LMNTD1: variants seen among roughly 807,000 people sequenced by gnomAD.
LMNTD1 encodes lamin tail domain-containing protein 1.
A neutral mutation model predicts 50.9 loss-of-function variants in LMNTD1; 35 were observed. The ratio of observed to expected loss-of-function variants is 0.69; its 90% CI spans 0.53 to 0.91. The LOEUF is 0.91. Among genes scored for constraint, LMNTD1 ranks in the 40% least tolerant of loss-of-function variants. The pLI is 0.00. For synonymous variants in LMNTD1, 153 were observed against 161.9 expected (o/e 0.94, Z 0.42); for missense variants, 470 against 475.5 (o/e 0.99, Z 0.11).
At chr12:25,644,022 A>T (rs1033548678) in intron 1 of LMNTD1, among the ~76,000 whole-genome samples, 1 of 152,218 alleles carries the variant, frequency 6.6e-6, no homozygotes, top group African/African-American at 2.4e-5. Flanking sequence ...CGTTCATCAT[A>T]AAAGCCAAGA....
intron 1 of LMNTD1, among the ~76,000 whole-genome samples, chr12:25,643,468 A>T (rs1294353147): frequency 6.6e-6 from 1 of 152,206 alleles, no homozygotes; most frequent in Non-Finnish European, 1.5e-5. Context: ...TAGACAATAG[A>T]ATATAGGATA....
At chr12:25,608,138 C>T (rs1029299141) in intron 1 of LMNTD1, among the ~76,000 whole-genome samples, 12 of 152,048 alleles carry the variant, frequency 7.9e-5, no homozygotes, top group Admixed American at 2.0e-4. Context: ...TCTGTTTTGT[C>T]AGAGACTAGG....
At chr12:25,488,739 C>G (rs905922669) in intron 9 of LMNTD1, among the ~76,000 whole-genome samples, 2 of 152,208 alleles carry the variant, frequency 1.3e-5, no homozygotes, top group Admixed American at 1.3e-4. Flanking sequence ...TTTTTCTGTT[C>G]TGATTTTCCC....
At chr12:25,622,183 G>C (rs1301672747) in intron 1 of LMNTD1, among the ~76,000 whole-genome samples, 1 of 152,188 alleles carries the variant, frequency 6.6e-6, no homozygotes, top group Non-Finnish European at 1.5e-5. Context: ...GATTGGAGGG[G>C]AGTCAAGAGT....
At position 25,520,067 on chromosome 12, in the gene LMNTD1, C is replaced by G. The variant is rs76419032; in HGVS notation, c.807G>C (p.Ala269=). The G allele has an allele frequency of 3.0e-3, 4,886 of 1,607,340 alleles. 149 individuals are homozygous for G. The African/African-American group carries it at 0.058, about 19-fold the overall frequency. Residue 269 remains alanine (A), a synonymous_variant, in exon 7 of 10, where the codon GCG becomes GCC. Transcript: ENST00000458174. ...GCTTCCAGTGGATAGGGGTGTACCA[C>G]GCAATGGCCTAATGAAAATGATTTA... The part of the protein sequence containing the change: ...ILCKPNGQAI[A]WYTPIHWKQA...
At chr12:25,529,256 T>G (rs1942047502) in intron 4 of LMNTD1, among the ~76,000 whole-genome samples, 1 of 152,190 alleles carries the variant, frequency 6.6e-6, no homozygotes, top group African/African-American at 2.4e-5. Flanking sequence ...AGCCCTCTTT[T>G]ATTTCCCTCA....
intron 9 of LMNTD1, among the ~76,000 whole-genome samples, chr12:25,491,232 T>A (rs1283741336): frequency 1.3e-5 from 2 of 152,212 alleles, no homozygotes; most frequent in South Asian, 2.1e-4. Context: ...CAAATGTTGA[T>A]CAAGAGAGTG....
At chr12:25,638,164 A>G (rs1007505908) in intron 1 of LMNTD1, among the ~76,000 whole-genome samples, 2 of 152,114 alleles carry the variant, frequency 1.3e-5, no homozygotes, top group African/African-American at 4.8e-5. Context: ...AAGACTTAAC[A>G]ATCTATGAAT....
chr12:25,484,265 GTTT>G lies in LMNTD1; in HGVS notation c.*23-7808_*23-7806del, dbSNP rs540275671. ...GCTTCTTGAAGCATTGTTGTTTTTCGTTTTTTTGTTGTTTTAAGAGACAGGGTC... is the reference window on the plus strand; with the variant it reads ...GCTTCTTGAAGCATTGTTGTTTTTCGTTTTGTTGTTTTAAGAGACAGGGTC... On this transcript the variant is annotated intron_variant, in intron 9 of 9. Coordinates refer to ENST00000458174, the MANE Select transcript of LMNTD1 (RefSeq NM_001145728.2). Among the ~76,000 whole-genome samples, 3 of 151,624 alleles carry G rather than the reference GTTT, an allele frequency of 2.0e-5. No individual in the cohort carries two copies. The East Asian group carries it at 5.8e-4, about 29-fold the overall frequency.
At chr12:25,537,979 G>C (rs1449288491) in intron 4 of LMNTD1, among the ~76,000 whole-genome samples, 1 of 149,752 alleles carries the variant, frequency 6.7e-6, no homozygotes, top group Non-Finnish European at 1.5e-5. Flanking sequence ...ATCAGCAATG[G>C]AAGATGAAAT....
intron 1 of LMNTD1, among the ~76,000 whole-genome samples, chr12:25,612,016 G>A (rs1277835785): frequency 6.6e-6 from 1 of 152,026 alleles, no homozygotes; most frequent in African/African-American, 2.4e-5. Context: ...TTCCATCCAG[G>A]GATAGAGTGC....
intron 1 of LMNTD1, among the ~76,000 whole-genome samples, chr12:25,628,710 T>C (rs536528174): frequency 6.6e-6 from 1 of 152,282 alleles, no homozygotes; most frequent in Admixed American, 6.5e-5. Context: ...ATTTGAGTTA[T>C]GTGGCTACAA....
intron 4 of LMNTD1, among the ~76,000 whole-genome samples, chr12:25,535,530 C>T (rs1942521198): frequency 6.6e-6 from 1 of 152,026 alleles, no homozygotes; most frequent in African/African-American, 2.4e-5. Flanking sequence ...ATAATCAAAT[C>T]TCCCAAAAAT....
At chr12:25,573,864 C>A (rs752320037) in intron 1 of LMNTD1, among the ~76,000 whole-genome samples, 2 of 152,104 alleles carry the variant, frequency 1.3e-5, no homozygotes, top group Non-Finnish European at 2.9e-5. Flanking sequence ...TTCGGAGCAT[C>A]GTGGGACCTG....
chr12:25,518,633 T>C (rs772462722), intron 8 of LMNTD1, among the ~76,000 whole-genome samples, 162 bp downstream of exon 8: 7 of 152,186 alleles, frequency 4.6e-5, no homozygotes, highest in African/African-American at 9.6e-5. Flanking sequence ...CTAGGGGAAA[T>C]GTAAGTGAAT....
intron 1 of LMNTD1, among the ~76,000 whole-genome samples, chr12:25,647,385 A>G (rs1947095999): frequency 6.6e-6 from 1 of 152,288 alleles, no homozygotes; most frequent in Admixed American, 6.5e-5. Context: ...GCTGCTCTGA[A>G]GGCTGAGGTG....
chr12:25,477,123 A>G (rs1193465728), intron 9 of LMNTD1, among the ~76,000 whole-genome samples: 1 of 152,206 alleles, frequency 6.6e-6, no homozygotes, highest in Non-Finnish European at 1.5e-5. Context: ...GGCTATATGA[A>G]CGTTTTTCTG....
chr12:25,493,946 C>G (rs965686050), intron 9 of LMNTD1, among the ~76,000 whole-genome samples: 52 of 152,310 alleles, frequency 3.4e-4, no homozygotes, highest in African/African-American at 1.2e-3. Flanking sequence ...GAAGCCCCAG[C>G]TGCCTTAAGG....
chr12:25,602,286 GC>G (rs1945998523), intron 1 of LMNTD1, among the ~76,000 whole-genome samples: 1 of 151,378 alleles, frequency 6.6e-6, no homozygotes, highest in African/African-American at 2.4e-5. Flanking sequence ...TCTTTAGGGG[GC>G]ATGCATCCAA....
Sources: allele counts gnomAD v4.1 joint callset (sites outside exome capture counted in the v4.1 genomes callset), GRCh38; gene constraint gnomAD v4.1.1; transcripts MANE v1.5; gene names NCBI Gene and HGNC (gene_info 2026-07-23, HGNC 2026-07-21).